PRKCB: variants seen among roughly 807,000 people sequenced by gnomAD.
PRKCB encodes protein kinase C beta.
PRKCB carries 13 observed loss-of-function variants against 81.5 expected under a neutral mutation model. The ratio of observed to expected loss-of-function variants is 0.16; its 90% CI spans 0.10 to 0.25. The LOEUF is 0.25. PRKCB is among the 10% of genes least tolerant of loss of function. PRKCB has a pLI of 1.00. For missense variants in PRKCB, 509 were observed against 875.7 expected (o/e 0.58, Z 5.29); for synonymous variants, 335 against 321.4 (o/e 1.04, Z -0.45).
intron 5 of PRKCB, among the ~76,000 whole-genome samples, chr16:24,047,034 A>G (rs1376909075): frequency 6.6e-6 from 1 of 151,848 alleles, no homozygotes; most frequent in East Asian, 1.9e-4. Flanking sequence ...GTGAGAAAAA[A>G]AGTCTTAAAA....
intron 3 of PRKCB, among the ~76,000 whole-genome samples, chr16:24,026,814 AAGG>A (rs749105885): frequency 6.6e-6 from 1 of 152,136 alleles, no homozygotes; most frequent in African/African-American, 2.4e-5. Context: ...TGTAAGGGAG[AAGG>A]AGAAGAGAAA....
chr16:24,049,380 A>T (rs1165098258), intron 5 of PRKCB, among the ~76,000 whole-genome samples: 3 of 143,316 alleles, frequency 2.1e-5, no homozygotes, highest in African/African-American at 5.1e-5. Context: ...CACACCCGGG[A>T]CCTGCACCCT....
chr16:24,065,704 C>T (rs1966024552), intron 5 of PRKCB, among the ~76,000 whole-genome samples: 1 of 152,200 alleles, frequency 6.6e-6, no homozygotes, highest in Non-Finnish European at 1.5e-5. Flanking sequence ...GCTGCAAATA[C>T]ATCTTAAGAT....
intron 16 of PRKCB, among the ~76,000 whole-genome samples, chr16:24,195,331 C>T (rs893506610): frequency 3.9e-5 from 6 of 152,188 alleles, no homozygotes; most frequent in Non-Finnish European, 7.3e-5. Context: ...CCTTCCTCAC[C>T]CCTTCTTAAC....
rs1419124300 is a variant in PRKCB, at chr16:24,021,339, CTTCCTTCCTTCCTTCCTCCT to C, written c.289-10795_289-10776del. 1.2e-3 allele frequency among the ~76,000 whole-genome samples: 89 copies of C among 73,144 alleles called. 14 individuals carry two copies. Among genetic ancestry groups the C allele is most frequent in the African/African-American group, 2.3e-3 (33 of 14,186 alleles). 48.0% of individuals were successfully genotyped at this position (73,144 alleles called of 152,430 possible). On this transcript the variant is annotated intron_variant, in intron 3 of 16. Transcript: ENST00000643927. ...CCTTCCTTCCTTCCTTCCTTCCTTC[CTTCCTTCCTTCCTTCCTCCT>C]TCCCTCCCTCCCTCCCCCCTCCTCC... is the stretch of plus-strand genomic sequence containing the variant.
At chr16:23,864,406 G>C (rs889829969) in intron 2 of PRKCB, among the ~76,000 whole-genome samples, 2 of 152,224 alleles carry the variant, frequency 1.3e-5, no homozygotes, top group Admixed American at 6.5e-5. Flanking sequence ...AGCCAGGGCA[G>C]TATAGTGAGA....
chr16:24,193,436 C>T (rs1967824189), intron 16 of PRKCB, among the ~76,000 whole-genome samples: 1 of 133,978 alleles, frequency 7.5e-6, no homozygotes, highest in Admixed American at 7.9e-5. Flanking sequence ...CAGAGTGAGA[C>T]TCCATCTCAA....
intron 5 of PRKCB, among the ~76,000 whole-genome samples, chr16:24,047,808 T>C (rs12925378): frequency 0.25 from 38,483 of 152,130 alleles, 5,007 homozygotes; most frequent in East Asian, 0.31. Context: ...AGTTTAGCCT[T>C]AAGGTCTTGG....
chr16:24,034,556 C>T (rs771007380), intron 4 of PRKCB, among the ~76,000 whole-genome samples: 11 of 152,206 alleles, frequency 7.2e-5, no homozygotes, highest in Non-Finnish European at 1.5e-4. Context: ...GAGAGATGGC[C>T]GAAGGCCAAA....
chr16:24,217,105 G>A lies in PRKCB; in HGVS notation c.*2289G>A, dbSNP rs1131276. On this transcript the variant is annotated 3_prime_UTR_variant, in exon 17 of 17. Transcript: ENST00000643927. ...TGGAAAGAGAAAGAAAGGAAAGAAA[G>A]AAGAAAAAGAAAGAAGGAAAGAAAG... 6 of 978,918 alleles carry A rather than the reference G, an allele frequency of 6.1e-6. No individual in the cohort carries two copies. The Admixed American group carries it at 3.9e-4, about 63-fold the overall frequency. The allele number at this position is 978,918 out of a possible 1,614,324, so 60.6% of individuals were successfully genotyped here. A position where few individuals can be genotyped will look rare whatever the true frequency, so the allele number is the denominator to read the frequency against.
At chr16:23,964,399 T>C (rs75379118) in intron 2 of PRKCB, among the ~76,000 whole-genome samples, 3,528 of 152,316 alleles carry the variant, frequency 0.023, 138 homozygotes, top group African/African-American at 0.078. Context: ...AAGGATGGAA[T>C]TGAGTAGTTG....
intron 2 of PRKCB, among the ~76,000 whole-genome samples, chr16:23,953,686 G>A (rs551005750): frequency 1.1e-4 from 17 of 152,310 alleles, no homozygotes; most frequent in Admixed American, 8.5e-4. Flanking sequence ...GATGTAATGC[G>A]TGAGCACATT....
intron 5 of PRKCB, among the ~76,000 whole-genome samples, chr16:24,075,877 C>A (rs1028263906): frequency 6.6e-6 from 1 of 152,192 alleles, no homozygotes; most frequent in Admixed American, 6.5e-5. Flanking sequence ...TGTTAAAATA[C>A]AGGTTGCTGG....
intron 8 of PRKCB, among the ~76,000 whole-genome samples, chr16:24,118,096 C>T (rs1966756159): frequency 6.6e-6 from 1 of 152,232 alleles, no homozygotes; most frequent in South Asian, 2.1e-4. Flanking sequence ...TGTACCTGTG[C>T]AATGTAGCCT....
intron 9 of PRKCB, among the ~76,000 whole-genome samples, chr16:24,135,560 G>A (rs1214890212): frequency 6.6e-6 from 1 of 152,042 alleles, no homozygotes; most frequent in Non-Finnish European, 1.5e-5. Context: ...TGATCCGCCT[G>A]CCTCAGCCTC....
chr16:24,112,965 C>A lies in PRKCB; in HGVS notation c.822-8C>A. 1 of 1,595,392 alleles carries A rather than the reference C, an allele frequency of 6.3e-7. No individual in the cohort carries two copies. Among genetic ancestry groups the A allele is most frequent in the Non-Finnish European group, 8.6e-7 (1 of 1,169,292 alleles). The stretch of plus-strand genomic sequence containing the variant: ...TGAAATGTGTCCCACCCCCTTGTCT[C>A]CCTTCAGGTTTAAGTTACTGAGCCA... On this transcript the variant is annotated splice_polypyrimidine_tract_variant and splice_region_variant and intron_variant, in intron 7 of 16. Transcript: ENST00000643927.
chr16:24,052,149 G>A (rs550204691), intron 5 of PRKCB, among the ~76,000 whole-genome samples: 38 of 129,852 alleles, frequency 2.9e-4, no homozygotes, highest in Middle Eastern at 3.4e-3. Context: ...AATAGGATAG[G>A]CATAGTTAAA....
chr16:24,045,565 G>T (rs4787676), intron 5 of PRKCB, among the ~76,000 whole-genome samples: 29,260 of 152,026 alleles, frequency 0.19, 3,018 homozygotes, highest in Middle Eastern at 0.25. Context: ...CTTCAATCCT[G>T]TTTCCCATGG....
At chr16:24,126,127 A>G (rs169143) in intron 9 of PRKCB, among the ~76,000 whole-genome samples, 79,334 of 152,072 alleles carry the variant, frequency 0.52, 21,109 homozygotes, top group African/African-American at 0.61. Flanking sequence ...CAAGAAAAGC[A>G]TGTTGAATAC....
Sources: allele counts gnomAD v4.1 joint callset (sites outside exome capture counted in the v4.1 genomes callset), GRCh38; gene constraint gnomAD v4.1.1; transcripts MANE v1.5; gene names NCBI Gene and HGNC (gene_info 2026-07-23, HGNC 2026-07-21).